CNTNAP2: variants seen among roughly 807,000 people sequenced by gnomAD.
The protein encoded by CNTNAP2 is contactin-associated protein-like 2.
Under a neutral mutation model 155.2 loss-of-function variants are expected in CNTNAP2, and 98 were observed. That is an observed-to-expected ratio of 0.63 (90% CI 0.54 to 0.75). The LOEUF is 0.75. CNTNAP2 is among the 30% of genes least tolerant of loss of function. The pLI is 0.00. For missense variants in CNTNAP2, 1,727 were observed against 1,688.1 expected (o/e 1.02, Z -0.40); for synonymous variants, 651 against 631.2 (o/e 1.03, Z -0.47).
rs139128506 is a variant in CNTNAP2 at position 147,197,169 on chromosome 7, C to A, written c.1348+64660C>A. 5.5e-3 allele frequency among the ~76,000 whole-genome samples: 834 copies of A among 152,130 alleles called. 15 individuals are homozygous for A. Among genetic ancestry groups the A allele is most frequent in the African/African-American group, 0.019 (799 of 41,510 alleles). On this transcript the variant is annotated intron_variant, in intron 8 of 23. Coordinates refer to ENST00000361727, the MANE Select transcript of CNTNAP2 (RefSeq NM_014141.6). The stretch of plus-strand genomic sequence containing the variant: ...GGAGTATAACTTTGTAACTTCACTT[C>A]AGCCTCTGATTGGTTGCTTTCCACA...
chr7:146,598,014 C>T (rs2129150919), intron 1 of CNTNAP2, among the ~76,000 whole-genome samples: 1 of 152,198 alleles, frequency 6.6e-6, no homozygotes, highest in African/African-American at 2.4e-5. Context: ...ACGCATGCTC[C>T]TCTCTTCAGT....
chr7:146,784,239 T>G (rs1802536532), intron 2 of CNTNAP2, among the ~76,000 whole-genome samples: 1 of 152,226 alleles, frequency 6.6e-6, no homozygotes, highest in Non-Finnish European at 1.5e-5. Flanking sequence ...GAGAAAATCA[T>G]GTACTGGCTT....
chr7:147,686,653 G>T (rs899772681), intron 13 of CNTNAP2, among the ~76,000 whole-genome samples: 3 of 151,992 alleles, frequency 2.0e-5, no homozygotes, highest in African/African-American at 7.2e-5. Context: ...AGAAGACTGA[G>T]AAGGAACAGC....
chr7:147,392,299 G>T (rs2116446122), intron 9 of CNTNAP2, among the ~76,000 whole-genome samples: 1 of 146,518 alleles, frequency 6.8e-6, no homozygotes, highest in African/African-American at 2.4e-5. Context: ...ATAATTCTCT[G>T]CCAGTATCAA....
intron 1 of CNTNAP2, among the ~76,000 whole-genome samples, chr7:146,170,054 T>G (rs1798367567): frequency 6.9e-6 from 1 of 145,068 alleles, no homozygotes; most frequent in South Asian, 2.2e-4. Context: ...GTGGTCTCAC[T>G]CTGTTGCGCA....
At chr7:148,005,228 T>C (rs909266541) in intron 15 of CNTNAP2, among the ~76,000 whole-genome samples, 1 of 152,074 alleles carries the variant, frequency 6.6e-6, no homozygotes, top group East Asian at 1.9e-4. Context: ...CCTTATATCC[T>C]CCCAAGTGGG....
intron 1 of CNTNAP2, among the ~76,000 whole-genome samples, chr7:146,678,679 C>CA (rs1271503583): frequency 6.6e-6 from 1 of 151,916 alleles, no homozygotes; most frequent in East Asian, 1.9e-4. Context: ...GCTAACTTTG[C>CA]AAAAAGGGTT....
chr7:148,269,644 C>T (rs989538416), intron 21 of CNTNAP2, among the ~76,000 whole-genome samples: 2 of 152,198 alleles, frequency 1.3e-5, no homozygotes, highest in Non-Finnish European at 2.9e-5. Flanking sequence ...TGAAGACAGT[C>T]CAGACTCTTA....
At chr7:147,414,022 A>G (rs1248960558) in intron 10 of CNTNAP2, among the ~76,000 whole-genome samples, 1 of 152,210 alleles carries the variant, frequency 6.6e-6, no homozygotes, top group Non-Finnish European at 1.5e-5. Context: ...TCAAAGCTTT[A>G]TGTACTTCTG....
chr7:146,284,858 A>G (rs765338333), intron 1 of CNTNAP2, among the ~76,000 whole-genome samples: 1 of 152,120 alleles, frequency 6.6e-6, no homozygotes, highest in Non-Finnish European at 1.5e-5. Context: ...TGCCATCTGG[A>G]TTAGCAAAGA....
chr7:147,293,015 G>T (rs779461855), intron 8 of CNTNAP2, among the ~76,000 whole-genome samples: 4 of 152,122 alleles, frequency 2.6e-5, no homozygotes, highest in Non-Finnish European at 5.9e-5. Context: ...TGATATGCCC[G>T]CTTCTGCCTT....
At chr7:146,571,214 G>A (rs1798435134) in intron 1 of CNTNAP2, among the ~76,000 whole-genome samples, 1 of 151,962 alleles carries the variant, frequency 6.6e-6, no homozygotes, top group Non-Finnish European at 1.5e-5. Context: ...AATACTGTTG[G>A]CAGACTGTAT....
intron 1 of CNTNAP2, among the ~76,000 whole-genome samples, chr7:146,649,848 T>C (rs942207155): frequency 2.0e-5 from 3 of 151,954 alleles, no homozygotes; most frequent in Non-Finnish European, 2.9e-5. Context: ...AAGAGAAATA[T>C]ACAGAATCTG....
chr7:146,407,685 C>T (rs1795811582), intron 1 of CNTNAP2, among the ~76,000 whole-genome samples: 1 of 152,190 alleles, frequency 6.6e-6, no homozygotes, highest in East Asian at 1.9e-4. Flanking sequence ...AAATGTGTGA[C>T]TTCACATGGT....
chr7:147,027,122 CTCTT>C (rs757849612), intron 3 of CNTNAP2, among the ~76,000 whole-genome samples: 10 of 151,768 alleles, frequency 6.6e-5, no homozygotes, highest in African/African-American at 1.2e-4. Context: ...CCTCATGTCA[CTCTT>C]TCTTCCCCTT....
At chr7:148,038,841 T>TGGAA (rs1182446114) in intron 15 of CNTNAP2, among the ~76,000 whole-genome samples, 69 of 151,626 alleles carry the variant, frequency 4.6e-4, no homozygotes, top group African/African-American at 1.6e-3. Flanking sequence ...GATGGATGGA[T>TGGAA]GGATGGATGG....
chr7:148,031,626 T>C (rs1011522812), intron 15 of CNTNAP2, among the ~76,000 whole-genome samples: 1 of 152,164 alleles, frequency 6.6e-6, no homozygotes, highest in African/African-American at 2.4e-5. Flanking sequence ...ATAGAAGTAT[T>C]AATAGCATCC....
At chr7:147,338,501 G>A (rs776873577) in intron 9 of CNTNAP2, among the ~76,000 whole-genome samples, 2 of 151,952 alleles carry the variant, frequency 1.3e-5, no homozygotes, top group Non-Finnish European at 2.9e-5. Context: ...AAATGCCCTG[G>A]TGATTGTTAA....
chr7:147,085,836 T>C (rs1191944038), intron 4 of CNTNAP2: 1 of 152,244 alleles, frequency 6.6e-6, no homozygotes, highest in Non-Finnish European at 1.5e-5. Context: ...GTGATACAAA[T>C]GATTGATAGC....
Sources: gnomAD v4.1 joint callset for allele counts (sites outside exome capture counted in the v4.1 genomes callset) on GRCh38, gnomAD v4.1.1 for gene constraint, MANE v1.5 for transcripts, NCBI Gene and HGNC (gene_info 2026-07-23, HGNC 2026-07-21) for gene names.